Variants in ANKRD12 observed in about 807,000 individuals in gnomAD.
The protein encoded by ANKRD12 is ankyrin repeat domain-containing protein 12.
A neutral mutation model predicts 183.4 loss-of-function variants in ANKRD12; 85 were observed. That is an observed-to-expected ratio of 0.46 (90% CI 0.39 to 0.56). The LOEUF (loss-of-function observed/expected upper bound fraction) is 0.56, where lower values mean the gene tolerates loss of function less well. Among genes scored for constraint, ANKRD12 ranks in the 20% least tolerant of loss-of-function variants. The pLI is 0.00. For synonymous variants in ANKRD12, 914 were observed against 800.2 expected (o/e 1.14, Z -2.40); for missense variants, 2,405 against 2,357.1 (o/e 1.02, Z -0.42).
intron 10 of ANKRD12, among the ~76,000 whole-genome samples, chr18:9,264,919 C>T (rs560642091): frequency 3.9e-5 from 6 of 152,204 alleles, no homozygotes; most frequent in Admixed American, 1.3e-4. Flanking sequence ...GCGTGAGCGA[C>T]GCAGAAGACG....
intron 1 of ANKRD12, among the ~76,000 whole-genome samples, chr18:9,143,483 C>T (rs928724797): frequency 1.2e-4 from 18 of 152,014 alleles, no homozygotes; most frequent in African/African-American, 4.3e-4. Context: ...GTTTTTAAGA[C>T]GGAGTTTCAC....
At chr18:9,262,112 A>G (rs1353055609) in intron 9 of ANKRD12, among the ~76,000 whole-genome samples, 2 of 152,182 alleles carry the variant, frequency 1.3e-5, no homozygotes, top group Non-Finnish European at 2.9e-5. Context: ...TTGTGGTGTT[A>G]TTTAACATGT....
Position 9,254,780 on chromosome 18 carries a change from G to A in ANKRD12, c.1513G>A (p.Val505Ile). The A allele has an allele frequency of 2.7e-6, 4 of 1,473,340 alleles. No individual in the cohort carries two copies. Among genetic ancestry groups the A allele is most frequent in the Non-Finnish European group, 3.6e-6 (4 of 1,113,608 alleles). The allele number at this position is 1,473,340 out of a possible 1,614,324, so 91.3% of individuals were successfully genotyped here. The change falls in exon 9 of 13, where the codon GTA becomes ATA. Residue 505 changes from valine to isoleucine, a missense_variant. By Grantham distance (29) the Val-to-Ile change is conservative. This residue lies in a region of ANKRD12 where 1,983 missense variants were observed against 1,725.9 expected (regional missense o/e 1.15). Transcript: ENST00000262126. ...AAATACAAGAATAACAAACTTGACA[G>A]TAAATACTGGACTAGATTGTTCAGA... ...KENTRITNLT[V>I]NTGLDCSEKT...
At chr18:9,168,837 G>T (rs1598437760) in intron 1 of ANKRD12, among the ~76,000 whole-genome samples, 1 of 151,926 alleles carries the variant, frequency 6.6e-6, no homozygotes, top group Non-Finnish European at 1.5e-5. Context: ...GATCTTTCCT[G>T]CTTTCTCTTG....
chr18:9,191,205 A>G (rs1286072402), intron 2 of ANKRD12, among the ~76,000 whole-genome samples: 2 of 152,190 alleles, frequency 1.3e-5, no homozygotes, highest in Non-Finnish European at 2.9e-5. Flanking sequence ...AAGATAATAA[A>G]CCTAACAGAG....
intron 1 of ANKRD12, among the ~76,000 whole-genome samples, chr18:9,148,565 C>G (rs1487265651): frequency 6.6e-6 from 1 of 152,070 alleles, no homozygotes; most frequent in East Asian, 1.9e-4. Context: ...ATAAATACAA[C>G]AGATAAATGC....
chr18:9,196,346 G>C (rs1457636243), intron 3 of ANKRD12, among the ~76,000 whole-genome samples: 2 of 151,998 alleles, frequency 1.3e-5, no homozygotes, highest in African/African-American at 4.8e-5. Context: ...TCTTTTTATT[G>C]CTATCTAATA....
At position 9,211,753 on chromosome 18, in the gene ANKRD12, A is replaced by G. The variant is rs371683771; in HGVS notation, c.621A>G (p.Leu207=). Residue 207 remains leucine, a synonymous_variant, in exon 6 of 13, where the codon TTA becomes TTG. Coordinates refer to ENST00000262126, the MANE Select transcript of ANKRD12 (RefSeq NM_015208.5). ...AACAAGTTAAAGAATTAATAAGTTT[A>G]GGGGCAAATGTGAATGTGAAAGATT... is the stretch of plus-strand genomic sequence containing the variant. ...DVKQVKELIS[L]GANVNVKDFA... is the part of the protein sequence containing the mutation. The G allele has an allele frequency of 6.4e-5, 104 of 1,613,582 alleles. No individual in the cohort carries two copies. The highest frequency in any genetic ancestry group is 4.2e-5 in the Non-Finnish European group (49 of 1,179,778).
chr18:9,280,174 G>A (rs2145501807), intron 12 of ANKRD12, among the ~76,000 whole-genome samples: 1 of 152,268 alleles, frequency 6.6e-6, no homozygotes, highest in South Asian at 2.1e-4. Flanking sequence ...GATGGTTTGG[G>A]GATGAAACTT....
At chr18:9,277,602 C>A (rs1008623676) in intron 11 of ANKRD12, among the ~76,000 whole-genome samples, 3 of 152,062 alleles carry the variant, frequency 2.0e-5, no homozygotes, top group Non-Finnish European at 4.4e-5. Flanking sequence ...GCTAGGATTA[C>A]AGGCGTGAGC....
intron 1 of ANKRD12, among the ~76,000 whole-genome samples, chr18:9,157,415 A>C (rs900623817): frequency 1.3e-5 from 2 of 152,006 alleles, no homozygotes; most frequent in African/African-American, 2.4e-5. Flanking sequence ...TTCAAAAATC[A>C]AAGTACTGTT....
intron 1 of ANKRD12, among the ~76,000 whole-genome samples, chr18:9,164,202 C>G (rs1429739195): frequency 6.6e-6 from 1 of 151,916 alleles, no homozygotes; most frequent in Non-Finnish European, 1.5e-5. Context: ...TCCTTCAGTC[C>G]CTAGTTTATT....
rs765349372 is a variant in ANKRD12, at chr18:9,257,196, G to A, written c.3929G>A (p.Cys1310Tyr). The A allele has an allele frequency of 1.2e-6, 2 of 1,614,170 alleles. No individual in the cohort carries two copies. The highest frequency in any genetic ancestry group is 1.7e-6 in the Non-Finnish European group (2 of 1,179,992). ...EGRPTIEVRRCSMPSVICEHT... is the reference protein window; with the variant it reads ...EGRPTIEVRRYSMPSVICEHT... ...AGACCTACCATAGAAGTTCGAAGAT[G>A]TAGCATGCCTTCTGTCATTTGTGAA... Residue 1310 changes from cysteine to tyrosine, a missense_variant, in exon 9 of 13, where the codon TGT becomes TAT. Physicochemically the swap from Cys to Tyr is radical, Grantham distance 194. Transcript: ENST00000262126.
At chr18:9,142,317 G>T (rs544972918) in intron 1 of ANKRD12, among the ~76,000 whole-genome samples, 2 of 152,306 alleles carry the variant, frequency 1.3e-5, no homozygotes, top group African/African-American at 4.8e-5. Flanking sequence ...GAACCTCACA[G>T]CTCAGTAGCA....
At chr18:9,183,199 AT>A (rs1177982175) in intron 2 of ANKRD12, among the ~76,000 whole-genome samples, 1 of 152,188 alleles carries the variant, frequency 6.6e-6, no homozygotes, top group African/African-American at 2.4e-5. Context: ...TTCAAACTGT[AT>A]TCTTTTCAGA....
Position 9,257,607 on chromosome 18 carries a change from C to T in ANKRD12, c.4340C>T (p.Ser1447Phe). 3 of 1,614,058 alleles carry T rather than the reference C, an allele frequency of 1.9e-6. No individual in the cohort carries two copies. Among genetic ancestry groups the T allele is most frequent in the Non-Finnish European group, 2.5e-6 (3 of 1,179,970 alleles). ...PNSNIPDQESSLQSFCNSENK... is the reference protein window; with the variant it reads ...PNSNIPDQESFLQSFCNSENK... Reference sequence around the variant, plus strand: ...TCTAACATACCTGATCAAGAATCCTCTCTTCAGAGTTTTTGTAATTCTGAA... The same window carrying T: ...TCTAACATACCTGATCAAGAATCCTTTCTTCAGAGTTTTTGTAATTCTGAA... The change falls in exon 9 of 13, where the codon TCT becomes TTT. Residue 1447 changes from serine to phenylalanine, a missense_variant. Physicochemically the swap from Ser to Phe is radical, Grantham distance 155. This residue lies in a region of ANKRD12 where 1,983 missense variants were observed against 1,725.9 expected (regional missense o/e 1.15). Transcript: ENST00000262126.
At chr18:9,279,718 T>G in intron 12 of ANKRD12, 74 bp downstream of exon 12, 1 of 831,882 alleles carries the variant, frequency 1.2e-6, no homozygotes, top group Non-Finnish European at 1.9e-6. Flanking sequence ...TACAGCTGTA[T>G]TAGGGAGAAA....
intron 8 of ANKRD12, among the ~76,000 whole-genome samples, chr18:9,251,949 G>A (rs189916073): frequency 3.9e-5 from 6 of 152,220 alleles, no homozygotes; most frequent in East Asian, 3.9e-4. Flanking sequence ...TTTAAAGAGC[G>A]TTTTGTTAGA....
chr18:9,144,194 T>A (rs2078416598), intron 1 of ANKRD12, among the ~76,000 whole-genome samples: 1 of 152,194 alleles, frequency 6.6e-6, no homozygotes, highest in Non-Finnish European at 1.5e-5. Context: ...AAATAATATT[T>A]TAACATTTTT....
Sources: gnomAD v4.1 joint callset for allele counts (sites outside exome capture counted in the v4.1 genomes callset) on GRCh38, gnomAD v4.1.1 for gene constraint, gnomAD v4.1.1 regional missense constraint, MANE v1.5 for transcripts, NCBI Gene and HGNC (gene_info 2026-07-23, HGNC 2026-07-21) for gene names.